The following CPE variants were observed in gnomAD, a reference collection of about 807,000 sequenced individuals.
CPE encodes carbocypeptidase E.
A neutral mutation model predicts 53.5 loss-of-function variants in CPE; 17 were observed. That is an observed-to-expected ratio of 0.32 (90% CI 0.22 to 0.48). CPE has a LOEUF of 0.48. Among genes scored for constraint, CPE ranks in the 20% least tolerant of loss-of-function variants. The pLI is 0.99. For missense variants in CPE, 524 were observed against 614.7 expected (o/e 0.85, Z 1.56); for synonymous variants, 226 against 228.8 (o/e 0.99, Z 0.11).
Position 165,481,377 on chromosome 4 carries a change from C to T in CPE, c.673-865C>T, listed in dbSNP as rs115324428. On this transcript the variant is annotated intron_variant, in intron 3 of 8. Transcript: ENST00000402744. The stretch of plus-strand genomic sequence containing the variant: ...GAGCAGAGCTATACAAATATGAGAT[C>T]TTATAACCATCAAACCCTACTGATG... Among the ~76,000 whole-genome samples the T allele has an allele frequency of 3.4e-3, 517 of 152,244 alleles. 4 individuals are homozygous for T. Among genetic ancestry groups the T allele is most frequent in the Non-Finnish European group, 2.7e-3 (187 of 68,002 alleles).
chr4:165,421,243 C>T (rs1048051407), intron 1 of CPE, among the ~76,000 whole-genome samples: 5 of 152,160 alleles, frequency 3.3e-5, no homozygotes, highest in East Asian at 1.9e-4. Flanking sequence ...TTGGAGTCTT[C>T]GTTGCTGTGC....
chr4:165,470,911 G>A (rs1732194977), intron 3 of CPE, among the ~76,000 whole-genome samples: 1 of 152,258 alleles, frequency 6.6e-6, no homozygotes, highest in South Asian at 2.1e-4. Context: ...GCTGGAGGGA[G>A]AAAGGGGTGG....
At chr4:165,479,540 A>G (rs1313857862) in intron 3 of CPE, among the ~76,000 whole-genome samples, 1 of 152,232 alleles carries the variant, frequency 6.6e-6, no homozygotes, top group African/African-American at 2.4e-5. Flanking sequence ...AATGAAATGG[A>G]AAAGCAAAGA....
intron 8 of CPE, among the ~76,000 whole-genome samples, chr4:165,495,923 A>G (rs139863406): frequency 1.3e-5 from 2 of 152,270 alleles, no homozygotes; most frequent in East Asian, 3.9e-4. Context: ...TTAAATTTTT[A>G]TTTGCTAACC....
chr4:165,492,453 G>C (rs992405115), intron 6 of CPE, among the ~76,000 whole-genome samples: 8 of 152,114 alleles, frequency 5.3e-5, no homozygotes, highest in Admixed American at 6.6e-5. Flanking sequence ...GGAGCAGGAC[G>C]AGCTGCAGAC....
At chr4:165,421,052 A>G (rs1254498450) in intron 1 of CPE, among the ~76,000 whole-genome samples, 1 of 152,206 alleles carries the variant, frequency 6.6e-6, no homozygotes, top group South Asian at 2.1e-4. Context: ...TATGATCTAC[A>G]TATTTGTTAA....
At chr4:165,497,226 A>G (rs17587288) in intron 8 of CPE, among the ~76,000 whole-genome samples, 3,396 of 152,262 alleles carry the variant, frequency 0.022, 44 homozygotes, top group Non-Finnish European at 0.037. Flanking sequence ...GGCCAGTTAC[A>G]TCTTTTTATG....
At chr4:165,404,605 G>A (rs2241814) in intron 1 of CPE, 460,925 of 1,095,444 alleles carry the variant, frequency 0.42, 99,952 homozygotes, top group Middle Eastern at 0.48. Flanking sequence ...CCAGTGTGGC[G>A]GCACCCACAG....
chr4:165,394,807 T>C (rs1445803312), intron 1 of CPE, among the ~76,000 whole-genome samples: 1 of 152,178 alleles, frequency 6.6e-6, no homozygotes, highest in Non-Finnish European at 1.5e-5. Context: ...TCACACAATT[T>C]CTCAAAGGAC....
chr4:165,439,248 T>G (rs982646503), intron 1 of CPE, among the ~76,000 whole-genome samples: 16 of 152,064 alleles, frequency 1.1e-4, no homozygotes, highest in African/African-American at 3.6e-4. Flanking sequence ...TAAAAAGCAG[T>G]TGTCTAATAA....
Position 165,387,678 on chromosome 4 carries a change from A to G in CPE, c.307+8150A>G, listed in dbSNP as rs563969594. Among the ~76,000 whole-genome samples, 681 of 152,120 alleles carry G rather than the reference A, an allele frequency of 4.5e-3. 6 individuals carry two copies. Among genetic ancestry groups the G allele is most frequent in the Non-Finnish European group, 4.7e-3 (320 of 68,004 alleles). On this transcript the variant is annotated intron_variant, in intron 1 of 8. Coordinates refer to ENST00000402744, the MANE Select transcript of CPE (RefSeq NM_001873.4). ...ACAAAAATTAGCCAGCCGTGGTGGC[A>G]CATGCCTGTAATCCCAGCTACTCAG...
At position 165,467,860 on chromosome 4, in the gene CPE, T is replaced by G; in HGVS notation, c.672+5T>G. 1 of 1,613,124 alleles carries G rather than the reference T, an allele frequency of 6.2e-7. No homozygotes were observed. Among genetic ancestry groups the G allele is most frequent in the South Asian group, 1.1e-5 (1 of 90,902 alleles). The stretch of plus-strand genomic sequence containing the variant: ...ATTGTGGATCAAAACACAAAGGTAG[T>G]GACCACGGGATAGTCTTCTTGGGTT... On this transcript the variant is annotated splice_donor_5th_base_variant and intron_variant, in intron 3 of 8. Coordinates refer to ENST00000402744, the MANE Select transcript of CPE (RefSeq NM_001873.4).
intron 1 of CPE, among the ~76,000 whole-genome samples, chr4:165,412,063 C>T (rs539714258): frequency 1.4e-4 from 22 of 152,286 alleles, no homozygotes; most frequent in African/African-American, 5.3e-4. Context: ...TGTCTACAGG[C>T]AGAGCAGGAT....
chr4:165,406,273 G>C, intron 1 of CPE: 1 of 620,948 alleles, frequency 1.6e-6, no homozygotes. Context: ...AAATTGCGGC[G>C]TATATAACCT....
At position 165,484,635 on chromosome 4, in the gene CPE, G is replaced by A. The variant is rs201178031; in HGVS notation, c.973+31G>A. ...TTTCCATTGTGCTCTCTGATTATGT[G>A]ATTGTAGCTTATTTACAATGACCAT... On this transcript the variant is annotated intron_variant, in intron 5 of 8. Coordinates refer to ENST00000402744, the MANE Select transcript of CPE (RefSeq NM_001873.4). 2.5e-6 allele frequency: 4 copies of A among 1,584,978 alleles called. No individual in the cohort carries two copies. In the Admixed American group the frequency reaches 6.8e-5, roughly 27 times the overall value.
At chr4:165,475,845 G>A (rs1480496811) in intron 3 of CPE, among the ~76,000 whole-genome samples, 1 of 152,172 alleles carries the variant, frequency 6.6e-6, no homozygotes, top group African/African-American at 2.4e-5. Flanking sequence ...TGAACTGAAA[G>A]ATCAGCTAGC....
intron 7 of CPE, among the ~76,000 whole-genome samples, chr4:165,494,935 T>C (rs989158155): frequency 5.3e-5 from 8 of 152,220 alleles, no homozygotes; most frequent in Admixed American, 2.0e-4. Flanking sequence ...AAGTGTGGCC[T>C]CTGCTCGCAA....
At chr4:165,478,792 C>G (rs979229118) in intron 3 of CPE, among the ~76,000 whole-genome samples, 4 of 152,190 alleles carry the variant, frequency 2.6e-5, no homozygotes, top group African/African-American at 7.2e-5. Flanking sequence ...CCTCCTAACT[C>G]CCACTAAAAC....
intron 1 of CPE, among the ~76,000 whole-genome samples, chr4:165,383,445 G>A (rs1439305828): frequency 6.6e-6 from 1 of 152,048 alleles, no homozygotes; most frequent in Admixed American, 6.5e-5. Context: ...CAGACCACTC[G>A]ACCCGGAGTT....
Sources: gnomAD v4.1 joint callset for allele counts (sites outside exome capture counted in the v4.1 genomes callset) on GRCh38, gnomAD v4.1.1 for gene constraint, MANE v1.5 for transcripts, NCBI Gene and HGNC (gene_info 2026-07-23, HGNC 2026-07-21) for gene names.